The following JADE1 variants were observed in gnomAD, a reference collection of about 807,000 sequenced individuals.
The protein encoded by JADE1 is protein Jade-1.
In JADE1, 14 loss-of-function variants were observed where a neutral mutation model predicts 81.8. The ratio of observed to expected loss-of-function variants is 0.17; its 90% CI spans 0.11 to 0.27. The LOEUF is 0.27. JADE1 is among the 10% of genes least tolerant of loss of function. JADE1 has a pLI of 1.00. For synonymous variants in JADE1, 353 were observed against 391.9 expected (o/e 0.90, Z 1.17); for missense variants, 690 against 1,047.9 (o/e 0.66, Z 4.71).
At chr4:128,852,292 A>G in intron 6 of JADE1, 24 bp downstream of exon 6, 2 of 1,600,612 alleles carry the variant, frequency 1.2e-6, no homozygotes, top group South Asian at 2.2e-5. Context: ...GGAGGCCAGA[A>G]AGAAGAAACC....
In JADE1 at chr4:128,871,290, G is replaced by C. The variant is rs1732172717; in HGVS notation, c.1622-65G>C. On this transcript the variant is annotated intron_variant, in intron 10 of 10. Transcript: ENST00000226319. This position sits in a 1 kb window ranked among gnomAD's most constrained non-coding sequence, Gnocchi z 4.1. ...TCAATTGGGCCACACTAAGGGTGTA[G>C]AATTTTATTCTTTTGGATTTGCTTC... is the stretch of plus-strand genomic sequence containing the variant. The C allele has an allele frequency of 2.0e-6, 3 of 1,471,930 alleles. No individual in the cohort carries two copies. Among genetic ancestry groups the C allele is most frequent in the Admixed American group, 1.9e-5 (1 of 51,604 alleles). 91.2% of individuals were successfully genotyped at this position (1,471,930 alleles called of 1,614,324 possible).
At chr4:128,821,017 C>T (rs1267308881) in intron 1 of JADE1, among the ~76,000 whole-genome samples, 1 of 152,160 alleles carries the variant, frequency 6.6e-6, no homozygotes, top group Non-Finnish European at 1.5e-5. Flanking sequence ...TACCTTCGTT[C>T]ATTCAGAAGC....
chr4:128,832,880 G>T lies in JADE1; in HGVS notation c.52+1070G>T, dbSNP rs187632858. On this transcript the variant is annotated intron_variant, in intron 2 of 10. Coordinates refer to ENST00000226319, the MANE Select transcript of JADE1 (RefSeq NM_199320.4). ...CACCCTGTTCAGAAGAGGGGACCAG[G>T]AATATGAAAAACAGAACTCAATGTG... Among the ~76,000 whole-genome samples the T allele has an allele frequency of 5.7e-4, 87 of 152,352 alleles. No individual in the cohort carries two copies. The Middle Eastern group carries it at 0.031, about 54-fold the overall frequency.
chr4:128,825,023 C>T (rs759522208), intron 1 of JADE1, among the ~76,000 whole-genome samples: 3 of 152,124 alleles, frequency 2.0e-5, no homozygotes, highest in Non-Finnish European at 4.4e-5. Flanking sequence ...TCCTCAAATT[C>T]TTAGTTACCT....
At chr4:128,811,077 TG>T in intron 1 of JADE1, among the ~76,000 whole-genome samples, 1 of 152,254 alleles carries the variant, frequency 6.6e-6, no homozygotes, top group Middle Eastern at 3.4e-3. Context: ...GTTTGCGAGT[TG>T]GGGGCTGTTG....
chr4:128,863,941 CTT>C, intron 9 of JADE1: 1 of 985,244 alleles, frequency 1.0e-6, no homozygotes, highest in Non-Finnish European at 1.2e-6. Context: ...TGTACTAACT[CTT>C]TTCTGTACTT....
chr4:128,848,105 G>A (rs1730021193), intron 4 of JADE1, among the ~76,000 whole-genome samples: 1 of 152,156 alleles, frequency 6.6e-6, no homozygotes, highest in Non-Finnish European at 1.5e-5. Flanking sequence ...ATGGGTATAT[G>A]TTGGGAGAGT....
chr4:128,856,314 A>G (rs17013825), intron 7 of JADE1, among the ~76,000 whole-genome samples: 5,332 of 152,276 alleles, frequency 0.035, 313 homozygotes, highest in African/African-American at 0.12. Flanking sequence ...ATGTAGATTC[A>G]TGGAAATGTT....
intron 9 of JADE1, chr4:128,862,769 C>G: frequency 2.0e-6 from 2 of 1,004,472 alleles, no homozygotes; most frequent in Non-Finnish European, 2.4e-6. Context: ...CAGGGGAATT[C>G]CCAGTACTGT....
intron 1 of JADE1, among the ~76,000 whole-genome samples, chr4:128,819,271 A>G (rs919661952): frequency 1.1e-4 from 7 of 66,360 alleles, no homozygotes; most frequent in Middle Eastern, 7.2e-3. Context: ...CTGGAGTGCA[A>G]TGGTGGTTTT....
Position 128,847,987 on chromosome 4 carries a change from C to T in JADE1, c.297-993C>T, listed in dbSNP as rs140705795. Among the ~76,000 whole-genome samples, 463 of 152,128 alleles carry T rather than the reference C, an allele frequency of 3.0e-3. 4 individuals carry two copies. The highest frequency in any genetic ancestry group is 0.014 in the Middle Eastern group (4 of 294). On this transcript the variant is annotated intron_variant, in intron 4 of 10. Transcript: ENST00000226319. ...AGTGATTTGCTCTTGCACATGCAGT[C>T]TTATTTTGAGTGGGGTGAGTTGGAA...
At position 128,831,588 on chromosome 4, in the gene JADE1, G is replaced by A. The variant is rs1728558731; in HGVS notation, c.-26-145G>A. ...TGATTGCACCTAATTATGTATCTTT[G>A]GTCTTTTTACTGTTTACAATTCAAA... On this transcript the variant is annotated intron_variant, in intron 1 of 10. Transcript: ENST00000226319. The A allele has an allele frequency of 4.6e-6, 3 of 657,578 alleles. No homozygotes were observed. The Admixed American group carries it at 8.1e-5, about 18-fold the overall frequency. The allele number at this position is 657,578 out of a possible 1,614,324, so 40.7% of individuals were successfully genotyped here.
intron 1 of JADE1, among the ~76,000 whole-genome samples, chr4:128,820,317 G>T (rs1170669132): frequency 1.3e-5 from 2 of 152,162 alleles, no homozygotes; most frequent in Non-Finnish European, 1.5e-5. Context: ...TCACCATATT[G>T]GTCAGGCTGG....
chr4:128,855,192 A>C (rs914968945), intron 6 of JADE1, among the ~76,000 whole-genome samples: 1 of 151,914 alleles, frequency 6.6e-6, no homozygotes, highest in Non-Finnish European at 1.5e-5. Context: ...ATTCCACCCC[A>C]CCTCTGTCAG....
chr4:128,861,675 T>A, intron 8 of JADE1, 29 bp from the exon 9 acceptor site: 1 of 1,607,886 alleles, frequency 6.2e-7, no homozygotes, highest in South Asian at 1.1e-5. Flanking sequence ...TAATGGTCTA[T>A]TCTCATGTTC....
intron 7 of JADE1, among the ~76,000 whole-genome samples, chr4:128,856,091 T>A (rs761403230): frequency 1.6e-4 from 24 of 152,292 alleles, no homozygotes; most frequent in Non-Finnish European, 3.1e-4. Flanking sequence ...AGTGTTGGGA[T>A]TACAAGCGTG....
intron 4 of JADE1, among the ~76,000 whole-genome samples, chr4:128,848,126 C>G (rs1730022982): frequency 6.6e-6 from 1 of 152,122 alleles, no homozygotes; most frequent in African/African-American, 2.4e-5. Flanking sequence ...CAGTCCCCTT[C>G]TTGGCTGGGA....
At chr4:128,843,113 G>A in intron 3 of JADE1, 75 bp downstream of exon 3, 4 of 1,232,196 alleles carry the variant, frequency 3.2e-6, no homozygotes, top group East Asian at 2.4e-5. Flanking sequence ...GTATCTATTT[G>A]TGCAGTCCTG....
chr4:128,836,360 G>A (rs1430559556), intron 2 of JADE1, among the ~76,000 whole-genome samples: 2 of 151,962 alleles, frequency 1.3e-5, no homozygotes, highest in African/African-American at 4.8e-5. Flanking sequence ...AAGTAAGCTA[G>A]AGAAAATATT....
Sources: gnomAD v4.1 joint callset for allele counts (sites outside exome capture counted in the v4.1 genomes callset) on GRCh38, gnomAD v4.1.1 for gene constraint, Gnocchi (gnomAD v3.1) non-coding constraint, MANE v1.5 for transcripts, NCBI Gene and HGNC (gene_info 2026-07-23, HGNC 2026-07-21) for gene names.